ALPK3: variants seen among roughly 807,000 people sequenced by gnomAD.
ALPK3 encodes the protein alpha kinase 3.
Under a neutral mutation model 140.0 loss-of-function variants are expected in ALPK3, and 102 were observed. The ratio of observed to expected loss-of-function variants is 0.73; its 90% CI spans 0.62 to 0.86. ALPK3 has a LOEUF of 0.86. ALPK3 is among the 40% of genes least tolerant of loss of function. ALPK3 has a pLI of 0.00. For synonymous variants in ALPK3, 938 were observed against 898.5 expected (o/e 1.04, Z -0.79); for missense variants, 2,254 against 2,208.2 (o/e 1.02, Z -0.42).
intron 12 of ALPK3, 28 bp from the exon 13 acceptor site, chr15:84,867,289 A>G (rs1379100429): frequency 3.1e-6 from 5 of 1,612,486 alleles, no homozygotes; most frequent in East Asian, 4.5e-5. Context: ...CCAGACTGGC[A>G]TCAACTCCCA....
chr15:84,872,758 G>C lies in ALPK3; in HGVS notation c.*4302G>C, dbSNP rs1166126231. The stretch of plus-strand genomic sequence containing the variant: ...CTGCCAATTTCCCGTCCCTTCTGTA[G>C]TCCCAGATGAATGGATACAGACCTC... On this transcript the variant is annotated 3_prime_UTR_variant, in exon 14 of 14. Transcript: ENST00000258888. The C allele has an allele frequency of 6.6e-6, 1 of 152,228 alleles. No individual in the cohort carries two copies. Among genetic ancestry groups the C allele is most frequent in the Admixed American group, 6.5e-5 (1 of 15,288 alleles). 9.4% of individuals were successfully genotyped at this position (152,228 alleles called of 1,614,324 possible).
chr15:84,850,065 C>T (rs889176999), intron 5 of ALPK3, among the ~76,000 whole-genome samples: 3 of 126,846 alleles, frequency 2.4e-5, no homozygotes, highest in African/African-American at 9.3e-5. Context: ...TCACTACAGA[C>T]CCTGTAAGGA....
intron 3 of ALPK3, among the ~76,000 whole-genome samples, chr15:84,829,006 T>G (rs1188012472): frequency 6.6e-6 from 1 of 152,236 alleles, no homozygotes; most frequent in African/African-American, 2.4e-5. Flanking sequence ...ATCCTTCTTT[T>G]TAAAGAAAAT....
intron 3 of ALPK3, among the ~76,000 whole-genome samples, chr15:84,837,463 C>T (rs915880975): frequency 1.3e-5 from 2 of 152,164 alleles, no homozygotes; most frequent in African/African-American, 4.8e-5. Flanking sequence ...CTGCCTTGTG[C>T]GGGTGCATGC....
At chr15:84,832,148 T>C (rs1235545958) in intron 3 of ALPK3, among the ~76,000 whole-genome samples, 1 of 152,176 alleles carries the variant, frequency 6.6e-6, no homozygotes, top group Non-Finnish European at 1.5e-5. Context: ...TAAGCATCTT[T>C]GAACCTTTCC....
chr15:84,857,625 T>C lies in ALPK3; in HGVS notation c.2887T>C (p.Tyr963His), dbSNP rs763922954. ...TGGCCTCATAGATTCCCTGAAGAAC[T>C]ACCTGCTTCTGCTGCTGAAGCTGTC... ...DPGLIDSLKNYLLLLLKLSST... is the reference protein window; with the variant it reads ...DPGLIDSLKNHLLLLLKLSST... The change falls in exon 6 of 14, where the codon TAC (tyrosine) becomes CAC (histidine). Residue 963 changes from tyrosine (Y) to histidine (H), a missense_variant. By Grantham distance (83) the Tyr-to-His change is moderately conservative. Coordinates refer to ENST00000258888, the MANE Select transcript of ALPK3 (RefSeq NM_020778.5). 6.3e-7 allele frequency: 1 copy of C among 1,582,368 alleles called. No homozygotes were observed. Among genetic ancestry groups the C allele is most frequent in the Non-Finnish European group, 8.6e-7 (1 of 1,160,404 alleles).
At position 84,872,295 on chromosome 15, in the gene ALPK3, G is replaced by C. The variant is rs1964082174; in HGVS notation, c.*3839G>C. 1.3e-5 allele frequency: 2 copies of C among 152,214 alleles called. No homozygotes were observed. Among genetic ancestry groups the C allele is most frequent in the Admixed American group, 1.3e-4 (2 of 15,280 alleles). The allele number at this position is 152,214 out of a possible 1,614,324, so 9.4% of individuals were successfully genotyped here. On this transcript the variant is annotated 3_prime_UTR_variant, in exon 14 of 14. Transcript: ENST00000258888. ...GAGCATCACTTGGCTCCAAATCCTG[G>C]GTTCCCGTATCATATTTTCTTGTCA...
chr15:84,864,324 C>A, intron 11 of ALPK3, 118 bp from the exon 12 acceptor site: 1 of 1,072,444 alleles, frequency 9.3e-7, no homozygotes, highest in Non-Finnish European at 1.4e-6. Context: ...GGGCTCGGAG[C>A]TGAGAATTAC....
In ALPK3 at chr15:84,847,797, G is replaced by A. The variant is rs374395356; in HGVS notation, c.1653+6865G>A. On this transcript the variant is annotated intron_variant, in intron 5 of 13. Coordinates refer to ENST00000258888, the MANE Select transcript of ALPK3 (RefSeq NM_020778.5). ...TGCTAGGCTGGGAGCTGTGGCTCAC[G>A]CCTGTAATCCCAGCACTGTGGGAGG... Among the ~76,000 whole-genome samples the A allele has an allele frequency of 3.3e-4, 51 of 152,284 alleles. 1 individual carries two copies. Among genetic ancestry groups the A allele is most frequent in the South Asian group, 6.2e-4 (3 of 4,826 alleles).
At chr15:84,838,488 A>G (rs115606303) in intron 3 of ALPK3, among the ~76,000 whole-genome samples, 1,699 of 152,220 alleles carry the variant, frequency 0.011, 45 homozygotes, top group African/African-American at 0.039. Context: ...GCTTCTAAAA[A>G]TAAGCTGAGC....
chr15:84,863,576 C>T lies in ALPK3; in HGVS notation c.4435C>T (p.Arg1479Trp), dbSNP rs776415532. 2.7e-5 allele frequency: 44 copies of T among 1,613,988 alleles called. No homozygotes were observed. The South Asian group carries it at 3.0e-4, about 11-fold the overall frequency. ...GGGGTGCAAGATCCAGAACATGAGT[C>T]GGGAGTACTGCAAAATCTTCGCAGC... ...IQGCKIQNMS[R>W]EYCKIFAAEA... Residue 1479 changes from arginine (R) to tryptophan (W), a missense_variant, in exon 11 of 14, where the codon CGG becomes TGG. Arg to Trp is a moderately radical substitution (Grantham distance 101). Around this residue, in one of 3 missense-constraint regions of ALPK3, gnomAD observed 2,088 missense variants for 2,022.9 expected, o/e 1.03. Coordinates refer to ENST00000258888, the MANE Select transcript of ALPK3 (RefSeq NM_020778.5).
In ALPK3 at chr15:84,858,375, C is replaced by T. The variant is rs140424493; in HGVS notation, c.3637C>T (p.Arg1213Cys). 26 of 1,553,196 alleles carry T rather than the reference C, an allele frequency of 1.7e-5. No individual in the cohort carries two copies. The highest frequency in any genetic ancestry group is 1.7e-4 in the Middle Eastern group (1 of 5,958). ...GSPGTPGRER[R>C]SPTQGRKASM... ...CCCAGGGACTCCAGGGCGGGAGAGACGCTCCCCTACGCAGGGCAGAAAGGC... is the reference window on the plus strand; with the variant it reads ...CCCAGGGACTCCAGGGCGGGAGAGATGCTCCCCTACGCAGGGCAGAAAGGC... Residue 1213 changes from arginine to cysteine, a missense_variant, in exon 6 of 14, where the codon CGC becomes TGC. Physicochemically the swap from Arg to Cys is radical, Grantham distance 180. Transcript: ENST00000258888.
chr15:84,831,291 G>A (rs548247306), intron 3 of ALPK3, among the ~76,000 whole-genome samples: 139 of 152,276 alleles, frequency 9.1e-4, no homozygotes, highest in African/African-American at 3.0e-3. Context: ...AGTTGGAAAC[G>A]GAGAGCCTTT....
chr15:84,851,941 G>A (rs1215197989), intron 5 of ALPK3, among the ~76,000 whole-genome samples: 7 of 152,120 alleles, frequency 4.6e-5, no homozygotes, highest in South Asian at 2.1e-4. Flanking sequence ...CCAAATTGCC[G>A]TCTGTAGAGG....
chr15:84,854,543 T>A (rs1963839587), intron 5 of ALPK3, among the ~76,000 whole-genome samples: 1 of 152,214 alleles, frequency 6.6e-6, no homozygotes, highest in African/African-American at 2.4e-5. Context: ...TGCCTCGGCC[T>A]CCCAAAGTGC....
chr15:84,868,402 G>A lies in ALPK3; in HGVS notation c.5064G>A (p.Leu1688=), dbSNP rs115813516. The A allele has an allele frequency of 1.1e-4, 181 of 1,613,010 alleles. No individual in the cohort carries two copies. The Middle Eastern group carries it at 1.2e-3, about 10-fold the overall frequency. ...CCTCAGAGCCAGTCACCACTCAGTT[G>A]TTGGGACAGCCTCCCACCCAAGAGG... The part of the protein sequence containing the change: ...PQASEPVTTQ[L]LGQPPTQEEG... The change falls in exon 14 of 14, where the codon TTG becomes TTA. Residue 1688 remains leucine (L), a synonymous_variant. Coordinates refer to ENST00000258888, the MANE Select transcript of ALPK3 (RefSeq NM_020778.5).
intron 3 of ALPK3, among the ~76,000 whole-genome samples, chr15:84,834,917 C>T (rs1963582782): frequency 6.6e-6 from 1 of 152,254 alleles, no homozygotes; most frequent in Non-Finnish European, 1.5e-5. Context: ...GCAATGTGTT[C>T]TCCCAAATAA....
chr15:84,859,680 G>A lies in ALPK3; in HGVS notation c.3966-96G>A, dbSNP rs140494468. 11 of 1,460,004 alleles carry A rather than the reference G, an allele frequency of 7.5e-6. No individual in the cohort carries two copies. In the East Asian group the frequency reaches 2.2e-4, roughly 29 times the overall value. 90.4% of individuals were successfully genotyped at this position (1,460,004 alleles called of 1,614,324 possible). A position where few individuals can be genotyped will look rare whatever the true frequency, so the allele number is the denominator to read the frequency against. On this transcript the variant is annotated intron_variant, in intron 7 of 13. Transcript: ENST00000258888. ...CTTCCCCAAAGCTCTCAGAGCTGGG[G>A]TTCACAGCAGCCTCTGAGAGTGGGG...
chr15:84,829,502 A>G (rs1465612827), intron 3 of ALPK3, among the ~76,000 whole-genome samples: 1 of 152,244 alleles, frequency 6.6e-6, no homozygotes. Context: ...AGGATGAGAC[A>G]GCAAAGACTG....
Sources: gnomAD v4.1 joint callset for allele counts (sites outside exome capture counted in the v4.1 genomes callset) on GRCh38, gnomAD v4.1.1 for gene constraint, gnomAD v4.1.1 regional missense constraint, MANE v1.5 for transcripts, NCBI Gene and HGNC (gene_info 2026-07-23, HGNC 2026-07-21) for gene names.